DOCK1: variants seen among roughly 807,000 people sequenced by gnomAD.
DOCK1 encodes dedicator of cytokinesis 1.
DOCK1 carries 138 observed loss-of-function variants against 262.7 expected under a neutral mutation model. The observed-to-expected ratio is 0.53, with a 90% confidence interval of 0.46 to 0.61. The LOEUF is 0.61. Among genes scored for constraint, DOCK1 ranks in the 20% least tolerant of loss-of-function variants. The pLI is 0.00. For missense variants in DOCK1, 1,908 were observed against 2,370.7 expected (o/e 0.80, Z 4.05); for synonymous variants, 866 against 867.4 (o/e 1.00, Z 0.03).
Position 127,188,770 on chromosome 10 carries a change from C to T in DOCK1, c.2848-59238C>T, listed in dbSNP as rs546101917. Among the ~76,000 whole-genome samples the T allele has an allele frequency of 1.3e-4, 20 of 152,334 alleles. 1 individual carries two copies. In the South Asian group the frequency reaches 3.3e-3, roughly 25 times the overall value. On this transcript the variant is annotated intron_variant, in intron 27 of 51. Coordinates refer to ENST00000623213, the MANE Select transcript of DOCK1 (RefSeq NM_001290223.2). ...TAACACTTGTGTATAACACTCAGCACAAGCTAGGTACCGTTCTGTGCTTTG... is the reference window on the plus strand; with the variant it reads ...TAACACTTGTGTATAACACTCAGCATAAGCTAGGTACCGTTCTGTGCTTTG...
chr10:126,913,505 G>A (rs1400979785), intron 1 of DOCK1, among the ~76,000 whole-genome samples: 3 of 152,180 alleles, frequency 2.0e-5, no homozygotes, highest in Non-Finnish European at 4.4e-5. Context: ...GCCCTCCGTG[G>A]CCTTGGGCCG....
chr10:127,399,041 A>G (rs1406494914), intron 38 of DOCK1, among the ~76,000 whole-genome samples: 1 of 152,230 alleles, frequency 6.6e-6, no homozygotes, highest in African/African-American at 2.4e-5. Context: ...GAGGTTCAGA[A>G]GAATAGAGAG....
At chr10:127,369,433 T>A (rs2065092446) in intron 33 of DOCK1, among the ~76,000 whole-genome samples, 1 of 152,158 alleles carries the variant, frequency 6.6e-6, no homozygotes, top group Non-Finnish European at 1.5e-5. Context: ...GGAGCTGCGA[T>A]TATATTGAAT....
rs372028212 is a variant in DOCK1 at position 127,404,402 on chromosome 10, C to T, written c.4095C>T (p.Tyr1365=). The T allele has an allele frequency of 4.9e-5, 79 of 1,613,616 alleles. No homozygotes were observed. Among genetic ancestry groups the T allele is most frequent in the South Asian group, 8.8e-5 (8 of 90,934 alleles). The change falls in exon 40 of 52, where the codon TAC becomes TAT. Residue 1365 remains tyrosine, a synonymous_variant. Coordinates refer to ENST00000623213, the MANE Select transcript of DOCK1 (RefSeq NM_001290223.2). ...PKPDYFAVGY[Y]GQGFPTFLRG... The stretch of plus-strand genomic sequence containing the variant: ...CTGACTATTTTGCTGTTGGCTACTA[C>T]GGACAAGGGTTCCCCACATTCCTGC...
Position 127,039,514 on chromosome 10 carries a change from T to C in DOCK1, c.2010+1698T>C, listed in dbSNP as rs75587647. Among the ~76,000 whole-genome samples, 927 of 152,306 alleles carry C rather than the reference T, an allele frequency of 6.1e-3. 7 individuals are homozygous for C. Among genetic ancestry groups the C allele is most frequent in the African/African-American group, 0.021 (893 of 41,570 alleles). On this transcript the variant is annotated intron_variant, in intron 19 of 51. Coordinates refer to ENST00000623213, the MANE Select transcript of DOCK1 (RefSeq NM_001290223.2). ...TCCCTAGACATGGCCTTTACACCTT[T>C]CCTTTCTTCCTGTGCGTGCTGGTAC...
intron 27 of DOCK1, among the ~76,000 whole-genome samples, chr10:127,226,832 C>T (rs961837176): frequency 3.3e-5 from 5 of 152,138 alleles, no homozygotes; most frequent in African/African-American, 9.7e-5. Context: ...ATACTTCTAC[C>T]TGGACTGCCT....
intron 29 of DOCK1, among the ~76,000 whole-genome samples, chr10:127,275,302 G>T (rs538634283): frequency 1.3e-5 from 2 of 152,178 alleles, no homozygotes; most frequent in African/African-American, 2.4e-5. Context: ...TTCTGAGAGA[G>T]AGCATAGAAA....
chr10:127,160,457 G>A (rs929334653), intron 27 of DOCK1, among the ~76,000 whole-genome samples: 1 of 152,208 alleles, frequency 6.6e-6, no homozygotes, highest in Non-Finnish European at 1.5e-5. Context: ...CCCCTCCCTG[G>A]AAGATGTGTT....
intron 18 of DOCK1, 22 bp downstream of exon 18, chr10:127,032,342 C>G (rs2043297706): frequency 6.7e-7 from 1 of 1,490,386 alleles, no homozygotes; most frequent in Admixed American, 2.7e-5. Context: ...AGGAGAAACA[C>G]ACTCACCCCA....
intron 1 of DOCK1, among the ~76,000 whole-genome samples, chr10:126,966,273 C>T (rs1359134405): frequency 2.6e-5 from 4 of 151,986 alleles, no homozygotes; most frequent in African/African-American, 7.3e-5. Flanking sequence ...TGTTGTTGGA[C>T]GCCTATGTTG....
chr10:126,952,962 TTG>T (rs1412792236), intron 1 of DOCK1, among the ~76,000 whole-genome samples: 19,283 of 149,298 alleles, frequency 0.13, 1,653 homozygotes, highest in East Asian at 0.27. Context: ...GTAGTATTTT[TTG>T]TTGGTGGTAT....
chr10:127,109,668 A>G (rs2048748914), intron 24 of DOCK1, among the ~76,000 whole-genome samples: 1 of 152,168 alleles, frequency 6.6e-6, no homozygotes, highest in South Asian at 2.1e-4. Flanking sequence ...ACTTAGCATA[A>G]AGTTTTCAAG....
intron 27 of DOCK1, among the ~76,000 whole-genome samples, chr10:127,139,985 G>A (rs761340840): frequency 6.6e-6 from 1 of 152,198 alleles, no homozygotes; most frequent in Non-Finnish European, 1.5e-5. Context: ...ACAAGAGCCT[G>A]TCAATCGAGT....
At chr10:127,099,739 C>G (rs1456153663) in intron 23 of DOCK1, among the ~76,000 whole-genome samples, 1 of 152,144 alleles carries the variant, frequency 6.6e-6, no homozygotes, top group East Asian at 1.9e-4. Context: ...TCCCACTGTC[C>G]CCACCTCCAA....
chr10:127,102,297 T>C (rs918362250), intron 23 of DOCK1, among the ~76,000 whole-genome samples: 2 of 152,136 alleles, frequency 1.3e-5, no homozygotes, highest in African/African-American at 2.4e-5. Flanking sequence ...AAGGGGATAG[T>C]AATAGGCCTC....
intron 1 of DOCK1, among the ~76,000 whole-genome samples, chr10:126,910,785 TA>T (rs922458599): frequency 6.6e-6 from 1 of 152,312 alleles, no homozygotes; most frequent in East Asian, 1.9e-4. Flanking sequence ...TCTGTGTTTT[TA>T]TAATATTGTC....
intron 5 of DOCK1, among the ~76,000 whole-genome samples, chr10:126,989,795 A>T (rs2039666276): frequency 6.6e-6 from 1 of 152,228 alleles, no homozygotes; most frequent in East Asian, 1.9e-4. Flanking sequence ...CAAAATTCTT[A>T]GAAAGTGGTA....
At position 127,175,600 on chromosome 10, in the gene DOCK1, G is replaced by C; in HGVS notation, c.2847+47836G>C. ...GCAGAGTCTGACAAACCAGGCTCGG[G>C]GGCCCTGGCACTGAGGGCAGGTGCG... On this transcript the variant is annotated intron_variant, in intron 27 of 51. Transcript: ENST00000623213. The surrounding 1 kb of genome is among the most constrained non-coding windows in gnomAD (Gnocchi z 6.3). 1 of 1,612,648 alleles carries C rather than the reference G, an allele frequency of 6.2e-7. No individual in the cohort carries two copies. Among genetic ancestry groups the C allele is most frequent in the Non-Finnish European group, 8.5e-7 (1 of 1,179,912 alleles).
At chr10:127,396,323 A>C (rs2066841407) in intron 38 of DOCK1, among the ~76,000 whole-genome samples, 1 of 152,128 alleles carries the variant, frequency 6.6e-6, no homozygotes, top group Non-Finnish European at 1.5e-5. Flanking sequence ...GGATCCCCCT[A>C]TCCCAGGACA....
Sources: allele counts gnomAD v4.1 joint callset (sites outside exome capture counted in the v4.1 genomes callset), GRCh38; gene constraint gnomAD v4.1.1; non-coding constraint Gnocchi (gnomAD v3.1); transcripts MANE v1.5; gene names NCBI Gene and HGNC (gene_info 2026-07-23, HGNC 2026-07-21).